PCM1: variants seen among roughly 807,000 people sequenced by gnomAD.
The protein encoded by PCM1 is pericentriolar material 1.
Under a neutral mutation model 241.9 loss-of-function variants are expected in PCM1, and 157 were observed. The ratio of observed to expected loss-of-function variants is 0.65; its 90% CI spans 0.57 to 0.74. The LOEUF is 0.74. Among genes scored for constraint, PCM1 ranks in the 30% least tolerant of loss-of-function variants. The probability of loss-of-function intolerance (pLI) is 0.00; values close to 1 mark genes in which losing one functional copy is unlikely to be tolerated. For missense variants in PCM1, 3,478 were observed against 2,360.1 expected, an observed-to-expected ratio of 1.47 and a Z score of -9.81; for synonymous variants, 1,085 against 784.9, an observed-to-expected ratio of 1.38 and a Z score of -6.39.
At chr8:17,988,933 C>T (rs1312811100) in intron 26 of PCM1, among the ~76,000 whole-genome samples, 1 of 151,758 alleles carries the variant, frequency 6.6e-6, no homozygotes, top group Admixed American at 6.6e-5. Flanking sequence ...GGCATGTGAC[C>T]CAGCAATTTC....
At chr8:17,955,787 A>G in intron 10 of PCM1, 134 bp downstream of exon 10, 1 of 723,446 alleles carries the variant, frequency 1.4e-6, no homozygotes, top group Non-Finnish European at 2.4e-6. Context: ...GATAGGTAGA[A>G]GAGGCGTGTG....
intron 6 of PCM1, among the ~76,000 whole-genome samples, chr8:17,945,804 A>G (rs985303870): frequency 9.2e-5 from 14 of 151,660 alleles, no homozygotes; most frequent in African/African-American, 3.4e-4. Context: ...TACTTTCAAA[A>G]GAAATCTTTG....
chr8:17,988,872 T>C (rs930435202), intron 26 of PCM1, among the ~76,000 whole-genome samples: 5 of 151,924 alleles, frequency 3.3e-5, no homozygotes, highest in Non-Finnish European at 7.4e-5. Flanking sequence ...GAATGTAAAA[T>C]TGCACAACCA....
chr8:17,991,703 A>G lies in PCM1; in HGVS notation c.4690+3A>G. The G allele has an allele frequency of 3.9e-6, 6 of 1,541,506 alleles. No individual in the cohort carries two copies. The highest frequency in any genetic ancestry group is 5.3e-6 in the Non-Finnish European group (6 of 1,141,746). On this transcript the variant is annotated splice_donor_region_variant and intron_variant, in intron 28 of 38. Transcript: ENST00000325083. The stretch of plus-strand genomic sequence containing the variant: ...TACTACAGTTAATAATTTAGAAGGT[A>G]TATATTTTTGTTTTCGGTAGGTTTT...
Position 17,946,657 on chromosome 8 carries a change from C to T in PCM1, c.784-529C>T, listed in dbSNP as rs149136789. ...GATAACAGGCGCACACCGCCACACC[C>T]GGCTAATTTTTGTATTTTTAGTAGA... On this transcript the variant is annotated intron_variant, in intron 6 of 38. Transcript: ENST00000325083. Among the ~76,000 whole-genome samples the T allele has an allele frequency of 5.1e-3, 769 of 152,098 alleles. 1 individual carries two copies. The highest frequency in any genetic ancestry group is 0.018 in the South Asian group (85 of 4,822).
At chr8:17,934,705 G>A (rs577876915) in intron 2 of PCM1, 1 of 152,194 alleles carries the variant, frequency 6.6e-6, no homozygotes, top group African/African-American at 2.4e-5. Context: ...TCCTCTTTCA[G>A]CTAGCACCCT....
At chr8:17,955,753 ATAT>A (rs762970174) in intron 10 of PCM1, 100 bp downstream of exon 10, 90 of 905,964 alleles carry the variant, frequency 9.9e-5, no homozygotes, top group Non-Finnish European at 1.3e-4. Flanking sequence ...GATTTATTTA[ATAT>A]TGTTGTAAAC....
rs2066647542 is a variant in PCM1, at chr8:17,952,956, T to A, written c.1072-14T>A. 6.7e-7 allele frequency: 1 copy of A among 1,495,652 alleles called. No homozygotes were observed. Among genetic ancestry groups the A allele is most frequent in the Admixed American group, 2.4e-5 (1 of 42,174 alleles). The allele number at this position is 1,495,652 out of a possible 1,614,324, so 92.6% of individuals were successfully genotyped here. On this transcript the variant is annotated splice_polypyrimidine_tract_variant and intron_variant, in intron 8 of 38. Coordinates refer to ENST00000325083, the MANE Select transcript of PCM1 (RefSeq NM_006197.4). Reference sequence around the variant, plus strand: ...AGTCTTAATTCTTCTTTTTTGTTGTTTTTTTTTAATAAGCCTCCAGCTGTT... The same window carrying A: ...AGTCTTAATTCTTCTTTTTTGTTGTATTTTTTTAATAAGCCTCCAGCTGTT...
intron 29 of PCM1, among the ~76,000 whole-genome samples, chr8:17,995,960 TTATA>T (rs1222603007): frequency 6.6e-6 from 1 of 152,202 alleles, no homozygotes; most frequent in Non-Finnish European, 1.5e-5. Context: ...AAGTATAAGA[TTATA>T]TATATATCAT....
At chr8:17,962,753 A>G (rs973651248) in intron 16 of PCM1, among the ~76,000 whole-genome samples, 1 of 151,958 alleles carries the variant, frequency 6.6e-6, no homozygotes, top group Non-Finnish European at 1.5e-5. Context: ...TACAAAAAAA[A>G]TTAGCTAGGT....
In PCM1 at chr8:17,995,751, T is replaced by C. The variant is rs182928303; in HGVS notation, c.4827+2132T>C. On this transcript the variant is annotated intron_variant, in intron 29 of 38. Transcript: ENST00000325083. ...TTTTAAATTTCTTTCATCAGTGTTT[T>C]ATAGTTTTCATTGTAGAGATCTTTC... is the stretch of plus-strand genomic sequence containing the variant. Among the ~76,000 whole-genome samples, 76 of 152,262 alleles carry C rather than the reference T, an allele frequency of 5.0e-4. No individual in the cohort carries two copies. In the East Asian group the frequency reaches 0.013, roughly 26 times the overall value.
At chr8:17,939,375 A>ATAACAATATATG (rs71215288) in intron 5 of PCM1, among the ~76,000 whole-genome samples, 16 of 151,820 alleles carry the variant, frequency 1.1e-4, no homozygotes, top group Non-Finnish European at 8.8e-5. Context: ...TAATTAATTT[A>ATAACAATATATG]TAAACATTAG....
At chr8:18,014,436 A>G in intron 35 of PCM1, 148 bp from the exon 36 acceptor site, 3 of 559,790 alleles carry the variant, frequency 5.4e-6, no homozygotes, top group East Asian at 6.4e-5. Context: ...TTTGGGAACC[A>G]TTGATAAGGA....
chr8:17,940,299 G>C (rs902548855), intron 6 of PCM1: 2 of 506,012 alleles, frequency 4.0e-6, no homozygotes, highest in African/African-American at 3.8e-5. Context: ...AATGCTGTAT[G>C]TGTTCTTCTG....
chr8:17,985,112 C>T (rs1372500159), intron 24 of PCM1, among the ~76,000 whole-genome samples: 1 of 151,666 alleles, frequency 6.6e-6, no homozygotes, highest in Non-Finnish European at 1.5e-5. Flanking sequence ...TAGCTTATTT[C>T]TAAGTGTTGA....
At chr8:17,984,165 A>G (rs1026887326) in intron 24 of PCM1, among the ~76,000 whole-genome samples, 2 of 152,114 alleles carry the variant, frequency 1.3e-5, no homozygotes, top group Non-Finnish European at 2.9e-5. Context: ...AATGATACGC[A>G]ATTTAGATTG....
intron 2 of PCM1, among the ~76,000 whole-genome samples, chr8:17,932,042 A>G (rs539688110): frequency 6.6e-6 from 1 of 152,134 alleles, no homozygotes; most frequent in Non-Finnish European, 1.5e-5. Flanking sequence ...ATAATTTTTC[A>G]TACTGCTTTT....
At position 17,938,742 on chromosome 8, in the gene PCM1, A is replaced by G; in HGVS notation, c.345A>G (p.Arg115=). 1 of 1,606,896 alleles carries G rather than the reference A, an allele frequency of 6.2e-7. No homozygotes were observed. The highest frequency in any genetic ancestry group is 1.1e-5 in the South Asian group (1 of 90,880). ...QRINFSDLDQ[R]SIGSDSQGRA... is the part of the protein sequence containing the mutation. ...TTTGATTTCTTTTTCATATATAGAGAAGCATTGGAAGTGATTCCCAAGGTA... is the reference window on the plus strand; with the variant it reads ...TTTGATTTCTTTTTCATATATAGAGGAGCATTGGAAGTGATTCCCAAGGTA... The change falls in exon 5 of 39, where the codon AGA becomes AGG. Residue 115 remains arginine, a splice_region_variant and synonymous_variant. Coordinates refer to ENST00000325083, the MANE Select transcript of PCM1 (RefSeq NM_006197.4).
intron 29 of PCM1, among the ~76,000 whole-genome samples, chr8:18,004,844 C>T (rs1027690226): frequency 3.9e-5 from 6 of 152,236 alleles, no homozygotes; most frequent in South Asian, 2.1e-4. Context: ...GACTACCTGT[C>T]GTAATAGGCA....
Sources: allele counts gnomAD v4.1 joint callset (sites outside exome capture counted in the v4.1 genomes callset), GRCh38; gene constraint gnomAD v4.1.1; transcripts MANE v1.5; gene names NCBI Gene and HGNC (gene_info 2026-07-23, HGNC 2026-07-21).